The following CLIP4 variants were observed in gnomAD, a reference collection of about 807,000 sequenced individuals.
CLIP4 encodes CAP-Gly domain-containing linker protein 4.
In CLIP4, 47 loss-of-function variants were observed where a neutral mutation model predicts 73.1. That is an observed-to-expected ratio of 0.64 (90% CI 0.51 to 0.82). CLIP4 has a LOEUF of 0.82. Among genes scored for constraint, CLIP4 ranks in the 40% least tolerant of loss-of-function variants. CLIP4 has a pLI of 0.00. For missense variants in CLIP4, 874 were observed against 852.9 expected, an observed-to-expected ratio of 1.02 and a Z score of -0.31; for synonymous variants, 306 against 295.4, an observed-to-expected ratio of 1.04 and a Z score of -0.37.
chr2:29,115,728 G>A lies in CLIP4; in HGVS notation c.-16+63G>A, dbSNP rs1337884629. On this transcript the variant is annotated intron_variant, in intron 1 of 15. Coordinates refer to ENST00000320081, the MANE Select transcript of CLIP4 (RefSeq NM_024692.6). This position sits in a 1 kb window ranked among gnomAD's most constrained non-coding sequence, Gnocchi z 5.1. ...GCTGGCCGGCGGCGGGGTTGGGGCC[G>A]GGGTGGGCGGCCCTGGGGGCCCGCG... 5.4e-5 allele frequency: 8 copies of A among 149,030 alleles called. No homozygotes were observed. Among genetic ancestry groups the A allele is most frequent in the African/African-American group, 1.9e-4 (8 of 41,142 alleles). 9.2% of individuals were successfully genotyped at this position (149,030 alleles called of 1,614,324 possible). A position where few individuals can be genotyped will look rare whatever the true frequency, so the allele number is the denominator to read the frequency against.
chr2:29,134,119 T>A (rs928622615), intron 5 of CLIP4, among the ~76,000 whole-genome samples: 4 of 152,214 alleles, frequency 2.6e-5, no homozygotes, highest in African/African-American at 9.6e-5. Context: ...TTTATGATTC[T>A]TTTGCCTTGC....
upstream of CLIP4, chr2:29,115,097 T>A (rs1668504858): frequency 6.6e-6 from 1 of 152,356 alleles, no homozygotes; most frequent in Non-Finnish European, 1.5e-5. This position sits in a 1 kb window ranked among gnomAD's most constrained non-coding sequence, Gnocchi z 5.1. Flanking sequence ...AGCAGGGAAC[T>A]GGTGGATGTA....
In CLIP4 at chr2:29,135,364, C is replaced by T. The variant is rs191441077; in HGVS notation, c.530-184C>T. Among the ~76,000 whole-genome samples the T allele has an allele frequency of 3.3e-5, 5 of 152,196 alleles. No homozygotes were observed. In the East Asian group the frequency reaches 9.6e-4, roughly 29 times the overall value. ...TAATGAATTTTATTGTACTAATAAT[C>T]AACTGCTTATTTTAACTAGATTGTA... On this transcript the variant is annotated intron_variant, in intron 5 of 15. Transcript: ENST00000320081.
At position 29,135,661 on chromosome 2, in the gene CLIP4, T is replaced by C; in HGVS notation, c.643T>C (p.Phe215Leu). The C allele has an allele frequency of 1.3e-6, 2 of 1,595,712 alleles. No individual in the cohort carries two copies. Among genetic ancestry groups the C allele is most frequent in the East Asian group, 4.5e-5 (2 of 44,494 alleles). The change falls in exon 6 of 16, where the codon TTT (phenylalanine) becomes CTT (leucine). Residue 215 changes from phenylalanine to leucine, a missense_variant. Physicochemically the swap from Phe to Leu is conservative, Grantham distance 22. Transcript: ENST00000320081. ...CTTGGAGCAGGGAGCAAATCCTGCA[T>C]TTAGGGTAAGAGGTTAAATTAAAAG... is the stretch of plus-strand genomic sequence containing the variant. ...CLLEQGANPA[F>L]RNDKGQIPAD...
At chr2:29,103,968 A>G (rs1174491888) in intron 1 of CLIP4, among the ~76,000 whole-genome samples, 3 of 151,614 alleles carry the variant, frequency 2.0e-5, no homozygotes, top group African/African-American at 7.3e-5. Flanking sequence ...CGGCCTCCCA[A>G]AGTGCTGGGA....
intron 1 of CLIP4, among the ~76,000 whole-genome samples, chr2:29,099,635 A>G (rs998771787): frequency 4.6e-5 from 7 of 152,292 alleles, no homozygotes; most frequent in Non-Finnish European, 1.0e-4. Flanking sequence ...TGTAGTGTCA[A>G]TCCTCTGACT....
At chr2:29,157,489 C>T (rs113873199) in intron 11 of CLIP4, 142 bp downstream of exon 11, 28 of 1,323,714 alleles carry the variant, frequency 2.1e-5, no homozygotes, top group South Asian at 6.3e-5. Flanking sequence ...CCACCTCCCC[C>T]GAACCTTAAG....
At chr2:29,144,657 G>T (rs575943370) in intron 7 of CLIP4, among the ~76,000 whole-genome samples, 44 of 151,878 alleles carry the variant, frequency 2.9e-4, no homozygotes, top group Admixed American at 7.2e-4. Context: ...ATCTACATTA[G>T]GTATTTCTCC....
chr2:29,125,399 G>T (rs1053353803), intron 2 of CLIP4, among the ~76,000 whole-genome samples: 4 of 152,200 alleles, frequency 2.6e-5, no homozygotes, highest in Non-Finnish European at 5.9e-5. Context: ...ACCCTGCACA[G>T]GTCTCTGGGT....
intron 11 of CLIP4, 62 bp from the exon 12 acceptor site, chr2:29,160,271 C>G: frequency 6.2e-7 from 1 of 1,609,442 alleles, no homozygotes; most frequent in Non-Finnish European, 8.5e-7. Flanking sequence ...TTGAGTTTTT[C>G]TCCCTTTGTT....
chr2:29,143,639 C>A (rs61525601), intron 6 of CLIP4, 70 bp from the exon 7 acceptor site: 1 of 1,053,586 alleles, frequency 9.5e-7, no homozygotes, highest in Non-Finnish European at 1.4e-6. Context: ...GTTCTTCCAA[C>A]AGAAATTTTA....
intron 7 of CLIP4, among the ~76,000 whole-genome samples, chr2:29,144,593 T>C (rs1213410418): frequency 6.6e-6 from 1 of 152,048 alleles, no homozygotes; most frequent in African/African-American, 2.4e-5. Flanking sequence ...ACATGCAGGT[T>C]TGTTACGTAG....
intron 8 of CLIP4, among the ~76,000 whole-genome samples, chr2:29,149,079 G>A (rs1055860261): frequency 2.6e-5 from 4 of 152,140 alleles, no homozygotes; most frequent in Non-Finnish European, 5.9e-5. Context: ...AGGCCTTGTG[G>A]GCTATGCATT....
At chr2:29,155,494 A>G (rs1275564621) in intron 9 of CLIP4, among the ~76,000 whole-genome samples, 2 of 152,212 alleles carry the variant, frequency 1.3e-5, no homozygotes, top group African/African-American at 4.8e-5. Context: ...CCTGGTTGAC[A>G]TATTATACTT....
At chr2:29,158,408 G>A (rs1271946497) in intron 11 of CLIP4, among the ~76,000 whole-genome samples, 1 of 151,248 alleles carries the variant, frequency 6.6e-6, no homozygotes, top group African/African-American at 2.4e-5. Flanking sequence ...GTAGTCTAGC[G>A]TGCCTATATA....
chr2:29,160,218 A>T, intron 11 of CLIP4, 115 bp from the exon 12 acceptor site: 2 of 1,244,066 alleles, frequency 1.6e-6, no homozygotes, highest in Admixed American at 1.9e-5. Context: ...AACTAACTAG[A>T]CTAGTTAGAA....
rs181503667 is a variant in CLIP4 at position 29,104,134 on chromosome 2, G to A, written c.-16+6187G>A. Among the ~76,000 whole-genome samples, 528 of 152,250 alleles carry A rather than the reference G, an allele frequency of 3.5e-3. 2 individuals are homozygous for A. The highest frequency in any genetic ancestry group is 0.012 in the African/African-American group (497 of 41,560). On this transcript the variant is annotated intron_variant, in intron 1 of 14. Coordinates refer to the CLIP4 transcript ENST00000401605. Reference sequence around the variant, plus strand: ...CTCATTTTTCATGGGTTTTAATTGTGTTCTCTCAGCTAGACTATGGACTCC... The same window carrying A: ...CTCATTTTTCATGGGTTTTAATTGTATTCTCTCAGCTAGACTATGGACTCC...
chr2:29,124,185 C>T (rs1470497721), intron 2 of CLIP4, among the ~76,000 whole-genome samples: 1 of 152,112 alleles, frequency 6.6e-6, no homozygotes, highest in Non-Finnish European at 1.5e-5. Context: ...GCTGGTCTGC[C>T]AGTGATGAAT....
intron 15 of CLIP4, among the ~76,000 whole-genome samples, chr2:29,175,154 G>T (rs907912998): frequency 6.6e-6 from 1 of 152,160 alleles, no homozygotes; most frequent in Non-Finnish European, 1.5e-5. Flanking sequence ...GAGCCCAGAG[G>T]CTAGAACTTG....
Sources: gnomAD v4.1 joint callset for allele counts (sites outside exome capture counted in the v4.1 genomes callset) on GRCh38, gnomAD v4.1.1 for gene constraint, Gnocchi (gnomAD v3.1) non-coding constraint, MANE v1.5 for transcripts, NCBI Gene and HGNC (gene_info 2026-07-23, HGNC 2026-07-21) for gene names.